Variants in PDE1A observed in about 807,000 individuals in gnomAD.
PDE1A encodes dual specificity calcium/calmodulin-dependent 3',5'-cyclic nucleotide phosphodiesterase 1A.
In PDE1A, 35 loss-of-function variants were observed where a neutral mutation model predicts 61.7. That is an observed-to-expected ratio of 0.57 (90% CI 0.43 to 0.75). PDE1A has a LOEUF of 0.75. PDE1A is among the 30% of genes least tolerant of loss of function. PDE1A has a pLI of 0.00. For missense variants in PDE1A, 597 were observed against 630.6 expected (o/e 0.95, Z 0.57); for synonymous variants, 232 against 213.2 (o/e 1.09, Z -0.77).
chr2:182,502,819 A>G (rs924738524), intron 2 of PDE1A, among the ~76,000 whole-genome samples: 1 of 151,236 alleles, frequency 6.6e-6, no homozygotes, highest in Non-Finnish European at 1.5e-5. Context: ...TTAAGTGAAT[A>G]CTTATATGTT....
At chr2:182,293,912 C>T (rs985626352) in intron 1 of PDE1A, among the ~76,000 whole-genome samples, 1 of 152,148 alleles carries the variant, frequency 6.6e-6, no homozygotes, top group Non-Finnish European at 1.5e-5. Context: ...TCTGACAATA[C>T]TCAGAAGGAG....
Position 182,186,139 on chromosome 2 carries a change from A to C in PDE1A, c.1329-60T>G, listed in dbSNP as rs997648979. 1.7e-5 allele frequency: 27 copies of C among 1,554,048 alleles called. No individual in the cohort carries two copies. In the East Asian group the frequency reaches 2.5e-4, roughly 14 times the overall value. On this transcript the variant is annotated intron_variant, in intron 12 of 13. Coordinates refer to ENST00000351439, the Ensembl canonical transcript of PDE1A. ...ATCAGGATATGGGGTGAACAAGGAA[A>C]ACCTGAAAAACTTTACAAAACCGAC...
chr2:182,345,564 C>T (rs550443949), intron 1 of PDE1A, among the ~76,000 whole-genome samples: 5 of 152,298 alleles, frequency 3.3e-5, no homozygotes, highest in African/African-American at 1.2e-4. Flanking sequence ...CCAGTTATTA[C>T]AGACCTCCTC....
chr2:182,287,021 T>C (rs1694211490), intron 1 of PDE1A, among the ~76,000 whole-genome samples: 1 of 152,092 alleles, frequency 6.6e-6, no homozygotes, highest in South Asian at 2.1e-4. Flanking sequence ...AAACCCAAAC[T>C]CCTTACCTTG....
At chr2:182,406,100 G>A (rs1249324174) in intron 1 of PDE1A, among the ~76,000 whole-genome samples, 1 of 151,886 alleles carries the variant, frequency 6.6e-6, no homozygotes, top group Non-Finnish European at 1.5e-5. Context: ...TGAGCATGCT[G>A]TTAAGCACTT....
intron 10 of PDE1A, among the ~76,000 whole-genome samples, chr2:182,189,692 A>G (rs1339157490): frequency 6.6e-6 from 1 of 152,198 alleles, no homozygotes. Flanking sequence ...TTGAGCACAT[A>G]TGTTAAAGAA....
intron 1 of PDE1A, among the ~76,000 whole-genome samples, chr2:182,310,664 A>G (rs1695904665): frequency 6.6e-6 from 1 of 152,158 alleles, no homozygotes; most frequent in Non-Finnish European, 1.5e-5. Context: ...AATTTCTGCC[A>G]CATTCTCTTA....
chr2:182,221,438 CT>C (rs1461738635), intron 7 of PDE1A, among the ~76,000 whole-genome samples: 1 of 152,096 alleles, frequency 6.6e-6, no homozygotes, highest in African/African-American at 2.4e-5. Context: ...GCAAAATGAT[CT>C]GCATAGTCTT....
At chr2:182,687,060 C>T in the PDE1A span, among the ~76,000 whole-genome samples, 30 of 152,330 alleles carry the variant, frequency 2.0e-4, no homozygotes, top group African/African-American at 5.5e-4. Context: ...TGGAGCCCAC[C>T]GCAGCTCAAG....
At chr2:182,620,989 G>A in the PDE1A span, among the ~76,000 whole-genome samples, 1 of 152,030 alleles carries the variant, frequency 6.6e-6, no homozygotes, top group African/African-American at 2.4e-5. Context: ...TCGCATTCCT[G>A]CCTACATGGC....
chr2:182,193,409 G>C (rs942371140), intron 10 of PDE1A, among the ~76,000 whole-genome samples: 1 of 152,084 alleles, frequency 6.6e-6, no homozygotes, highest in Non-Finnish European at 1.5e-5. Context: ...AAATATGCAG[G>C]AATCCCCTGA....
the PDE1A span, among the ~76,000 whole-genome samples, chr2:182,623,864 G>A: frequency 1.4e-4 from 22 of 152,212 alleles, no homozygotes; most frequent in Middle Eastern, 3.4e-3. Flanking sequence ...GGTGGCTCAC[G>A]CCTGTAACCC....
intron 1 of PDE1A, among the ~76,000 whole-genome samples, chr2:182,413,507 A>G (rs1028803974): frequency 2.0e-5 from 3 of 152,216 alleles, no homozygotes; most frequent in Non-Finnish European, 2.9e-5. Flanking sequence ...ATGAAAAATA[A>G]CAGACATTTG....
At chr2:182,174,477 A>T (rs567346462) in intron 13 of PDE1A, among the ~76,000 whole-genome samples, 1 of 152,212 alleles carries the variant, frequency 6.6e-6, no homozygotes, top group South Asian at 2.1e-4. Flanking sequence ...GGAGCAAGAG[A>T]AACTCTGAGA....
chr2:182,563,947 T>C, the PDE1A span, among the ~76,000 whole-genome samples: 1 of 152,204 alleles, frequency 6.6e-6, no homozygotes, highest in Admixed American at 6.5e-5. Flanking sequence ...CCTGTGTGTG[T>C]CTCTGCACGT....
At chr2:182,356,677 T>C (rs1699199222) in intron 1 of PDE1A, among the ~76,000 whole-genome samples, 1 of 151,950 alleles carries the variant, frequency 6.6e-6, no homozygotes, top group Non-Finnish European at 1.5e-5. Context: ...GAGGTTGCAG[T>C]GAGCCAAGAT....
the PDE1A span, among the ~76,000 whole-genome samples, chr2:182,688,035 A>G: frequency 6.6e-6 from 1 of 152,142 alleles, no homozygotes; most frequent in Non-Finnish European, 1.5e-5. Flanking sequence ...ATGTGAAAAG[A>G]CCAAATCTAG....
At chr2:182,198,326 T>A (rs1055357071) in intron 10 of PDE1A, among the ~76,000 whole-genome samples, 4 of 151,884 alleles carry the variant, frequency 2.6e-5, no homozygotes, top group African/African-American at 9.7e-5. Flanking sequence ...AATAACAGTT[T>A]TATTTATTTT....
chr2:182,519,267 T>G (rs149475599), intron 2 of PDE1A, among the ~76,000 whole-genome samples: 1,645 of 152,202 alleles, frequency 0.011, 21 homozygotes, highest in Middle Eastern at 0.034. Flanking sequence ...GATTGATAAC[T>G]TATGGCCAAG....
Sources: gnomAD v4.1 joint callset for allele counts (sites outside exome capture counted in the v4.1 genomes callset) on GRCh38, gnomAD v4.1.1 for gene constraint, MANE v1.5 for transcripts, NCBI Gene and HGNC (gene_info 2026-07-23, HGNC 2026-07-21) for gene names.